Variants in LCN2 observed in about 807,000 individuals in gnomAD.
The protein encoded by LCN2 is neutrophil gelatinase-associated lipocalin.
A neutral mutation model predicts 26.4 loss-of-function variants in LCN2; 27 were observed. The observed-to-expected ratio is 1.02, with a 90% confidence interval of 0.76 to 1.41. The LOEUF is 1.41. Among genes scored for constraint, LCN2 ranks in the 40% most tolerant of loss-of-function variants. The probability of loss-of-function intolerance (pLI) is 0.00; values close to 1 mark genes in which losing one functional copy is unlikely to be tolerated. For synonymous variants in LCN2, 94 were observed against 98.9 expected (o/e 0.95, Z 0.30); for missense variants, 224 against 237.6 (o/e 0.94, Z 0.38).
chr9:128,151,827 T>G (rs910496781), intron 3 of LCN2, 79 bp from the exon 4 acceptor site: 8 of 1,599,404 alleles, frequency 5.0e-6, no homozygotes, highest in Non-Finnish European at 6.8e-6. Context: ...GAAGCCCACG[T>G]TGATGGGCTG....
At chr9:128,150,872 C>A (rs1224120081) in intron 2 of LCN2, among the ~76,000 whole-genome samples, 2 of 152,226 alleles carry the variant, frequency 1.3e-5, no homozygotes, top group Non-Finnish European at 2.9e-5. Context: ...CAGGCCCCGC[C>A]CCAGCGGATC....
At chr9:128,151,470 C>A (rs776538682) in intron 2 of LCN2, 168 bp from the exon 3 acceptor site, 8 of 648,104 alleles carry the variant, frequency 1.2e-5, no homozygotes, top group Admixed American at 4.9e-5. Context: ...AGGCCCATCT[C>A]GGCTGGGTGG....
intron 1 of LCN2, among the ~76,000 whole-genome samples, chr9:128,149,987 GCCTCCTCCAGTGAGGAGGTCAC>G (rs1324527105): frequency 1.3e-5 from 2 of 151,936 alleles, no homozygotes; most frequent in South Asian, 2.1e-4. Flanking sequence ...CCAGCCACAT[GCCTCCTCCAGTGAGGAGGTCAC>G]CCTCCTCCCT....
chr9:128,151,863 C>G, intron 3 of LCN2, 43 bp from the exon 4 acceptor site: 3 of 1,611,798 alleles, frequency 1.9e-6, no homozygotes, highest in Non-Finnish European at 2.5e-6. Context: ...GCTCCCTCCT[C>G]CCATCCAGGG....
chr9:128,149,848 C>A (rs12000050), intron 1 of LCN2, among the ~76,000 whole-genome samples, 185 bp downstream of exon 1: 1 of 146,108 alleles, frequency 6.8e-6, no homozygotes, highest in African/African-American at 2.6e-5. Flanking sequence ...CCCATCCCCA[C>A]CCCCTCTCAG....
chr9:128,151,828 T>G, intron 3 of LCN2, 78 bp from the exon 4 acceptor site: 1 of 1,597,274 alleles, frequency 6.3e-7, no homozygotes, highest in Non-Finnish European at 8.6e-7. Context: ...AAGCCCACGT[T>G]GATGGGCTGG....
rs200930213 is a variant in LCN2, at chr9:128,153,142, C to T, written c.*7+16C>T. ...TGAGTGCACAGTGAGTGTGGCTGGG[C>T]GGCTGCGAGGGGGCTTGTGGGAGGC... On this transcript the variant is annotated intron_variant, in intron 6 of 6. Coordinates refer to ENST00000277480, the MANE Select transcript of LCN2 (RefSeq NM_005564.5). This position sits in a 1 kb window ranked among gnomAD's most constrained non-coding sequence, Gnocchi z 5.4. 8.6e-4 allele frequency: 1,387 copies of T among 1,613,948 alleles called. 4 individuals are homozygous for T. The highest frequency in any genetic ancestry group is 1.6e-3 in the Admixed American group (98 of 60,016).
Position 128,153,222 on chromosome 9 carries a change from C to G in LCN2, c.*8-89C>G. On this transcript the variant is annotated intron_variant, in intron 6 of 6. Transcript: ENST00000277480. The surrounding 1 kb of genome is among the most constrained non-coding windows in gnomAD (Gnocchi z 5.4). ...CTGCCTTTGCTCATCCCCCTGCCCC[C>G]CAGCACTGCTGCTGTCTTTATTCTG... The G allele has an allele frequency of 7.1e-7, 1 of 1,412,798 alleles. No individual in the cohort carries two copies. The highest frequency in any genetic ancestry group is 1.0e-6 in the Non-Finnish European group (1 of 1,001,720). 87.5% of individuals were successfully genotyped at this position (1,412,798 alleles called of 1,614,324 possible).
At chr9:128,151,560 C>G in intron 2 of LCN2, 78 bp from the exon 3 acceptor site, 1 of 1,151,522 alleles carries the variant, frequency 8.7e-7, no homozygotes. Flanking sequence ...TGCTGCTGCC[C>G]TGGCCCCACC....
Position 128,151,645 on chromosome 9 carries a change from A to G in LCN2, c.283A>G (p.Lys95Glu), listed in dbSNP as rs1286602357. Residue 95 changes from lysine (K) to glutamate (E), a missense_variant, in exon 3 of 7, where the codon AAG (lysine) becomes GAG (glutamate). Coordinates refer to ENST00000277480, the MANE Select transcript of LCN2 (RefSeq NM_005564.5). ...NVTSVLFRKK[K>E]CDYWIRTFVP... The stretch of plus-strand genomic sequence containing the variant: ...CCATCTCTCCCTCCCAAGGAAAAAG[A>G]AGTGTGACTACTGGATCAGGACTTT... 1.2e-6 allele frequency: 2 copies of G among 1,613,870 alleles called. No homozygotes were observed. Among genetic ancestry groups the G allele is most frequent in the Admixed American group, 3.3e-5 (2 of 59,996 alleles).
At chr9:128,149,766 AG>A in intron 1 of LCN2, 103 bp downstream of exon 1, 2 of 1,404,606 alleles carry the variant, frequency 1.4e-6, no homozygotes, top group Non-Finnish European at 1.9e-6. Context: ...GCAGGACTCT[AG>A]GAGTCCAGGG....
chr9:128,153,300 C>A lies in LCN2; in HGVS notation c.*8-11C>A. 1.3e-6 allele frequency: 1 copy of A among 755,752 alleles called. No individual in the cohort carries two copies. Among genetic ancestry groups the A allele is most frequent in the South Asian group, 1.6e-5 (1 of 63,200 alleles). 46.8% of individuals were successfully genotyped at this position (755,752 alleles called of 1,614,324 possible). ...TCCCCACCCATCACCCTCATATCCA[C>A]CTCTGTCCAGGGTGCCGCCAGCTGC... is the stretch of plus-strand genomic sequence containing the variant. On this transcript the variant is annotated splice_polypyrimidine_tract_variant and intron_variant, in intron 6 of 6. Coordinates refer to ENST00000277480, the MANE Select transcript of LCN2 (RefSeq NM_005564.5). The surrounding 1 kb of genome is among the most constrained non-coding windows in gnomAD (Gnocchi z 5.4).
chr9:128,150,186 G>A, intron 1 of LCN2, 52 bp from the exon 2 acceptor site: 1 of 1,581,850 alleles, frequency 6.3e-7, no homozygotes, highest in Non-Finnish European at 8.6e-7. Context: ...AGAGCTGGAG[G>A]GGTGGCTCCT....
In LCN2 at chr9:128,153,068, C is replaced by A; in HGVS notation, c.578-32C>A. On this transcript the variant is annotated intron_variant, in intron 5 of 6. Transcript: ENST00000277480. This position sits in a 1 kb window ranked among gnomAD's most constrained non-coding sequence, Gnocchi z 5.4. ...CTCATACACGCACACACACACACAG[C>A]TGCCTGTTCTGACGGACTTTCTCCC... 6.2e-7 allele frequency: 1 copy of A among 1,613,736 alleles called. No homozygotes were observed. Among genetic ancestry groups the A allele is most frequent in the Non-Finnish European group, 8.5e-7 (1 of 1,179,940 alleles).
chr9:128,152,719 G>A (rs997610295), intron 5 of LCN2, among the ~76,000 whole-genome samples: 1 of 152,164 alleles, frequency 6.6e-6, no homozygotes, highest in African/African-American at 2.4e-5. Context: ...TGACTTGGGA[G>A]CTGTCCTTGA....
intron 5 of LCN2, 55 bp downstream of exon 5, chr9:128,152,339 G>T: frequency 6.7e-7 from 1 of 1,482,566 alleles, no homozygotes; most frequent in Non-Finnish European, 9.4e-7. Flanking sequence ...CAGGCAGGAT[G>T]CTTCCCTACC....
intron 5 of LCN2, 54 bp downstream of exon 5, chr9:128,152,338 T>A (rs749275239): frequency 2.0e-6 from 3 of 1,487,540 alleles, no homozygotes. Context: ...TCAGGCAGGA[T>A]GCTTCCCTAC....
Position 128,152,045 on chromosome 9 carries a change from C to T in LCN2, c.475+20C>T, listed in dbSNP as rs754911517. The T allele has an allele frequency of 2.5e-6, 4 of 1,613,826 alleles. No individual in the cohort carries two copies. The African/African-American group carries it at 5.3e-5, about 22-fold the overall frequency. ...TCTACGGTGGGTCCTCTCCCATCCC[C>T]TCGGGGACTGGCTCCTGATCACACT... On this transcript the variant is annotated intron_variant, in intron 4 of 6. Transcript: ENST00000277480.
intron 2 of LCN2, 179 bp downstream of exon 2, chr9:128,150,553 A>G: frequency 1.2e-6 from 1 of 800,982 alleles, no homozygotes; most frequent in South Asian, 1.4e-5. Flanking sequence ...ACACACAGAC[A>G]GTGGTGGGGA....
Sources: allele counts gnomAD v4.1 joint callset (sites outside exome capture counted in the v4.1 genomes callset), GRCh38; gene constraint gnomAD v4.1.1; non-coding constraint Gnocchi (gnomAD v3.1); transcripts MANE v1.5; gene names NCBI Gene and HGNC (gene_info 2026-07-23, HGNC 2026-07-21).